The following RCAN2 variants were observed in gnomAD, a reference collection of about 807,000 sequenced individuals.
The protein encoded by RCAN2 is regulator of calcineurin 2.
RCAN2 carries 9 observed loss-of-function variants against 23.6 expected under a neutral mutation model. The observed-to-expected ratio is 0.38, with a 90% CI of 0.23 to 0.67. The LOEUF is 0.67. RCAN2 is among the 30% of genes least tolerant of loss of function. The probability of loss-of-function intolerance (pLI) is 0.51; values close to 1 mark genes in which losing one functional copy is unlikely to be tolerated. For synonymous variants in RCAN2, 109 were observed against 115.7 expected (o/e 0.94, Z 0.37); for missense variants, 273 against 302.3 (o/e 0.90, Z 0.72).
chr6:46,399,632 A>G (rs912088869), intron 2 of RCAN2, among the ~76,000 whole-genome samples: 3 of 151,708 alleles, frequency 2.0e-5, no homozygotes, highest in Admixed American at 2.0e-4. Flanking sequence ...ATGTCTCACT[A>G]CTTGCTCCTT....
intron 2 of RCAN2, among the ~76,000 whole-genome samples, chr6:46,302,603 C>G (rs1417503363): frequency 6.6e-6 from 1 of 152,014 alleles, no homozygotes; most frequent in East Asian, 1.9e-4. Flanking sequence ...TGGTGTTTAA[C>G]CAGATCATTT....
chr6:46,418,219 A>T (rs1766766667), intron 2 of RCAN2, among the ~76,000 whole-genome samples: 1 of 152,248 alleles, frequency 6.6e-6, no homozygotes, highest in Non-Finnish European at 1.5e-5. Flanking sequence ...CTGAATTTTT[A>T]AAGCAAACAC....
intron 2 of RCAN2, among the ~76,000 whole-genome samples, chr6:46,404,488 C>A (rs1218358451): frequency 2.0e-5 from 3 of 152,116 alleles, no homozygotes; most frequent in African/African-American, 2.4e-5. Flanking sequence ...CAAATCAGGT[C>A]TAGAGTACCT....
At chr6:46,229,866 A>G (rs1423367032) in intron 4 of RCAN2, among the ~76,000 whole-genome samples, 5 of 152,024 alleles carry the variant, frequency 3.3e-5, no homozygotes, top group Admixed American at 6.5e-5. Flanking sequence ...GATTTTTAGA[A>G]TTTTCAGCTT....
intron 2 of RCAN2, among the ~76,000 whole-genome samples, chr6:46,360,991 A>G (rs1764993839): frequency 6.6e-6 from 1 of 152,262 alleles, no homozygotes; most frequent in Non-Finnish European, 1.5e-5. Flanking sequence ...CAGAAAAACC[A>G]TTCAATTAAT....
intron 1 of RCAN2, among the ~76,000 whole-genome samples, chr6:46,483,183 C>T (rs1001244080): frequency 1.9e-4 from 29 of 152,162 alleles, no homozygotes; most frequent in African/African-American, 6.5e-4. Flanking sequence ...TTCTTAATGT[C>T]CTTAGTTTCC....
At chr6:46,294,781 T>A (rs930770536) in intron 2 of RCAN2, among the ~76,000 whole-genome samples, 1 of 152,212 alleles carries the variant, frequency 6.6e-6, no homozygotes, top group African/African-American at 2.4e-5. Flanking sequence ...ACCACGGTTA[T>A]ATATTTGCTT....
chr6:46,469,075 G>A (rs1768478053), intron 1 of RCAN2, among the ~76,000 whole-genome samples: 1 of 152,108 alleles, frequency 6.6e-6, no homozygotes, highest in East Asian at 1.9e-4. Context: ...AATACCCTCA[G>A]GTTCCTACAG....
At chr6:46,467,739 T>C (rs1460016397) in intron 1 of RCAN2, among the ~76,000 whole-genome samples, 1 of 152,254 alleles carries the variant, frequency 6.6e-6, no homozygotes, top group Non-Finnish European at 1.5e-5. Context: ...TTGGATTAAA[T>C]GTTACACATC....
rs191568742 is a variant in RCAN2 at position 46,225,185 on chromosome 6, A to T, written c.572-1884T>A. Reference sequence around the variant, plus strand: ...CTTTTCTTAATCCAGTCTATCATTGATGGACATTTGGGTTGGTTCCAAGTC... The same window carrying T: ...CTTTTCTTAATCCAGTCTATCATTGTTGGACATTTGGGTTGGTTCCAAGTC... On this transcript the variant is annotated intron_variant, in intron 4 of 4. Transcript: ENST00000371374. 4.0e-3 allele frequency among the ~76,000 whole-genome samples: 614 copies of T among 152,274 alleles called. 4 individuals carry two copies. Among genetic ancestry groups the T allele is most frequent in the Admixed American group, 5.2e-3 (80 of 15,278 alleles).
intron 1 of RCAN2, among the ~76,000 whole-genome samples, chr6:46,470,409 A>C (rs1768526165): frequency 6.6e-6 from 1 of 152,260 alleles, no homozygotes; most frequent in African/African-American, 2.4e-5. Flanking sequence ...GATGTCAGAG[A>C]TCAGCGTTCA....
At chr6:46,287,140 T>C (rs768711768) in intron 2 of RCAN2, among the ~76,000 whole-genome samples, 7 of 152,308 alleles carry the variant, frequency 4.6e-5, no homozygotes, top group East Asian at 1.9e-4. Flanking sequence ...GTCCTTCAGG[T>C]AGGCACAAAA....
At chr6:46,264,201 GT>G (rs1198413065) in intron 2 of RCAN2, among the ~76,000 whole-genome samples, 1 of 152,182 alleles carries the variant, frequency 6.6e-6, no homozygotes, top group Non-Finnish European at 1.5e-5. Flanking sequence ...TTTTTAGTAA[GT>G]TTAATGTTAA....
chr6:46,343,441 T>C (rs2150374158), intron 2 of RCAN2, among the ~76,000 whole-genome samples: 1 of 148,092 alleles, frequency 6.8e-6, no homozygotes, highest in Middle Eastern at 3.4e-3. Context: ...AGTGGCGCAA[T>C]CTCAGCTCAC....
chr6:46,440,744 C>T (rs1334702770), intron 2 of RCAN2, among the ~76,000 whole-genome samples: 1 of 152,082 alleles, frequency 6.6e-6, no homozygotes, highest in Admixed American at 6.5e-5. Flanking sequence ...ACATAAATCA[C>T]ATAATCCTCA....
intron 2 of RCAN2, among the ~76,000 whole-genome samples, chr6:46,294,795 G>A (rs1762667325): frequency 6.6e-6 from 1 of 152,134 alleles, no homozygotes; most frequent in South Asian, 2.1e-4. Flanking sequence ...TTTGCTTTAA[G>A]ATAATGAAAA....
intron 2 of RCAN2, among the ~76,000 whole-genome samples, chr6:46,362,556 C>A (rs4501427): frequency 0.15 from 23,409 of 152,082 alleles, 2,458 homozygotes; most frequent in Non-Finnish European, 0.23. Context: ...TTGATCATTT[C>A]TTTTATTAGA....
intron 2 of RCAN2, among the ~76,000 whole-genome samples, chr6:46,382,807 G>T (rs1455839309): frequency 6.6e-6 from 1 of 152,144 alleles, no homozygotes; most frequent in African/African-American, 2.4e-5. Flanking sequence ...AAACCGGTTT[G>T]TTTGCTTATT....
At chr6:46,390,907 C>T (rs1162685325) in intron 2 of RCAN2, among the ~76,000 whole-genome samples, 1 of 152,132 alleles carries the variant, frequency 6.6e-6, no homozygotes, top group Non-Finnish European at 1.5e-5. Flanking sequence ...GCGAAGTGCC[C>T]AGTAGACTAC....
Sources: allele counts gnomAD v4.1 joint callset (sites outside exome capture counted in the v4.1 genomes callset), GRCh38; gene constraint gnomAD v4.1.1; transcripts MANE v1.5; gene names NCBI Gene and HGNC (gene_info 2026-07-23, HGNC 2026-07-21).